The following IRAG1 variants were observed in gnomAD, a reference collection of about 807,000 sequenced individuals.
The protein encoded by IRAG1 is IP3R-associated cGMP kinase substrate.
Under a neutral mutation model 106.2 loss-of-function variants are expected in IRAG1, and 62 were observed. The observed-to-expected ratio is 0.58, with a 90% CI of 0.48 to 0.72. The LOEUF is 0.72. Among genes scored for constraint, IRAG1 ranks in the 30% least tolerant of loss-of-function variants. The pLI, the probability that IRAG1 is intolerant of heterozygous loss-of-function variation, is 0.00. For missense variants in IRAG1, 1,064 were observed against 1,140.7 expected, an observed-to-expected ratio of 0.93 and a Z score of 0.97; for synonymous variants, 462 against 443.9, an observed-to-expected ratio of 1.04 and a Z score of -0.51.
chr11:10,598,374 GTGGTC>G lies in IRAG1; in HGVS notation c.2017+2539_2017+2543del, dbSNP rs1388365034. 2.0e-5 allele frequency among the ~76,000 whole-genome samples: 3 copies of G among 152,324 alleles called. No individual in the cohort carries two copies. The East Asian group carries it at 5.8e-4, about 29-fold the overall frequency. Reference sequence around the variant, plus strand: ...GTCCAGCAGCAATTTCTAAGTGCTTGTGGTCAAAAGATTTTCAAGTTTTCCAGTCA... The same window carrying G: ...GTCCAGCAGCAATTTCTAAGTGCTTGAAAAGATTTTCAAGTTTTCCAGTCA... On this transcript the variant is annotated intron_variant, in intron 15 of 20. Coordinates refer to ENST00000423302, the MANE Select transcript of IRAG1 (RefSeq NM_130385.4).
rs148971137 is a variant in IRAG1 at position 10,687,661 on chromosome 11, C to A, written c.67+5875G>T. ...ACTTCACCAGACACAGATGCCCAATCCTCTTGAGAGGAAGTCCACCACTCT... is the reference window on the plus strand; with the variant it reads ...ACTTCACCAGACACAGATGCCCAATACTCTTGAGAGGAAGTCCACCACTCT... On this transcript the variant is annotated intron_variant, in intron 1 of 20. Transcript: ENST00000423302. 2,748 of 1,278,428 alleles carry A rather than the reference C, an allele frequency of 2.1e-3. 4 individuals are homozygous for A. The highest frequency in any genetic ancestry group is 2.6e-3 in the South Asian group (207 of 78,934). The allele number at this position is 1,278,428 out of a possible 1,614,324, so 79.2% of individuals were successfully genotyped here. A position where few individuals can be genotyped will look rare whatever the true frequency, so the allele number is the denominator to read the frequency against.
At chr11:10,639,737 AT>A (rs1321697360) in intron 2 of IRAG1, among the ~76,000 whole-genome samples, 1 of 151,810 alleles carries the variant, frequency 6.6e-6, no homozygotes, top group Non-Finnish European at 1.5e-5. Flanking sequence ...CCATCCAGTT[AT>A]TTTTTGTGCA....
chr11:10,594,073 G>A, intron 16 of IRAG1, 73 bp downstream of exon 16: 1 of 1,372,432 alleles, frequency 7.3e-7, no homozygotes, highest in Non-Finnish European at 1.0e-6. Flanking sequence ...CAGAATGAAT[G>A]ATTGTTTGGG....
chr11:10,587,526 G>A (rs1432339076), intron 18 of IRAG1, among the ~76,000 whole-genome samples: 2 of 152,280 alleles, frequency 1.3e-5, no homozygotes, highest in East Asian at 1.9e-4. Flanking sequence ...GTTGCTTACT[G>A]TACAAATTTA....
chr11:10,604,459 G>T lies in IRAG1; in HGVS notation c.1689C>A (p.Asn563Lys). The change falls in exon 13 of 21, where the codon AAC (asparagine) becomes AAA (lysine). Residue 563 changes from asparagine to lysine, a missense_variant. Transcript: ENST00000423302. ...SRINQAERER[N>K]LTEENTEKEL... ...CTTTCTCAGTGTTCTCCTCTGTCAGGTTGCGTTCCCTTTCAGCCTGGTTAA... is the reference window on the plus strand; with the variant it reads ...CTTTCTCAGTGTTCTCCTCTGTCAGTTTGCGTTCCCTTTCAGCCTGGTTAA... The T allele has an allele frequency of 6.2e-7, 1 of 1,614,018 alleles. No homozygotes were observed. The highest frequency in any genetic ancestry group is 8.5e-7 in the Non-Finnish European group (1 of 1,179,896).
chr11:10,672,829 G>A (rs900946180), intron 1 of IRAG1, among the ~76,000 whole-genome samples: 2 of 152,114 alleles, frequency 1.3e-5, no homozygotes, highest in Non-Finnish European at 2.9e-5. Flanking sequence ...ATGTACCCAA[G>A]AGAAATGAAA....
rs534614993 is a variant in IRAG1 at position 10,620,931 on chromosome 11, C to T, written c.1447+2847G>A. Among the ~76,000 whole-genome samples, 40 of 152,046 alleles carry T rather than the reference C, an allele frequency of 2.6e-4. 1 individual carries two copies. In the South Asian group the frequency reaches 7.7e-3, roughly 29 times the overall value. On this transcript the variant is annotated intron_variant, in intron 10 of 20. Coordinates refer to ENST00000423302, the MANE Select transcript of IRAG1 (RefSeq NM_130385.4). ...AGGTCAATACAAGAGGAACTATGCA[C>T]CCATTAAATCATAACTGAGGAGAAA... is the stretch of plus-strand genomic sequence containing the variant.
intron 1 of IRAG1, among the ~76,000 whole-genome samples, chr11:10,678,908 G>A (rs984323788): frequency 3.3e-5 from 5 of 152,184 alleles, no homozygotes; most frequent in South Asian, 2.1e-4. Context: ...CTAAATCTGA[G>A]TGTGTCCCAC....
chr11:10,601,004 T>C lies in IRAG1; in HGVS notation c.1931A>G (p.Lys644Arg). ...CGCATGGTCCTTCTCATACGTCCTCTTTAGATTCTCCACATACTGCATCAT... is the reference window on the plus strand; with the variant it reads ...CGCATGGTCCTTCTCATACGTCCTCCTTAGATTCTCCACATACTGCATCAT... ...EVMMQYVENL[K>R]RTYEKDHAEL... The change falls in exon 15 of 21, where the codon AAG (lysine) becomes AGG (arginine). Residue 644 changes from lysine (K) to arginine (R), a missense_variant. Coordinates refer to ENST00000423302, the MANE Select transcript of IRAG1 (RefSeq NM_130385.4). The C allele has an allele frequency of 1.9e-6, 3 of 1,614,100 alleles. No homozygotes were observed. The highest frequency in any genetic ancestry group is 2.5e-6 in the Non-Finnish European group (3 of 1,179,908).
chr11:10,604,497 G>T lies in IRAG1; in HGVS notation c.1651C>A (p.Leu551Met), dbSNP rs1854313934. The T allele has an allele frequency of 6.2e-7, 1 of 1,613,872 alleles. No individual in the cohort carries two copies. The highest frequency in any genetic ancestry group is 1.1e-5 in the South Asian group (1 of 91,088). Residue 551 changes from leucine (L) to methionine (M), a missense_variant, in exon 13 of 21, where the codon CTG becomes ATG. By Grantham distance (15) the Leu-to-Met change is conservative (BLOSUM62 2). Transcript: ENST00000423302. ...SLAFRNDSYT[L>M]ESRINQAERE... ...TCAGCCTGGTTAATTCTAGATTCCAGAGTGTAGCTGTCATTTCTAAAGGCC... is the reference window on the plus strand; with the variant it reads ...TCAGCCTGGTTAATTCTAGATTCCATAGTGTAGCTGTCATTTCTAAAGGCC...
chr11:10,634,127 G>T lies in IRAG1; in HGVS notation c.226-56C>A, dbSNP rs1012157310. The T allele has an allele frequency of 3.7e-6, 4 of 1,073,874 alleles. No individual in the cohort carries two copies. The African/African-American group carries it at 4.7e-5, about 13-fold the overall frequency. The allele number at this position is 1,073,874 out of a possible 1,614,324, so 66.5% of individuals were successfully genotyped here. A position where few individuals can be genotyped will look rare whatever the true frequency, so the allele number is the denominator to read the frequency against. On this transcript the variant is annotated intron_variant, in intron 2 of 20. Coordinates refer to ENST00000423302, the MANE Select transcript of IRAG1 (RefSeq NM_130385.4). ...GGCTTGGGCTGGTGGGACTTCCAGG[G>T]ACAGGAGCCAGAGCATTTATTCTCA...
chr11:10,686,933 T>C (rs1424306344), intron 1 of IRAG1, among the ~76,000 whole-genome samples: 1 of 151,932 alleles, frequency 6.6e-6, no homozygotes, highest in Non-Finnish European at 1.5e-5. Context: ...AAGAAAGGAG[T>C]TAAGAGATCA....
chr11:10,629,769 GT>G, intron 4 of IRAG1, 58 bp from the exon 5 acceptor site: 1 of 1,552,212 alleles, frequency 6.4e-7, no homozygotes, highest in Non-Finnish European at 8.7e-7. Flanking sequence ...CCAGGCTGAG[GT>G]CATGCCATAC....
chr11:10,692,523 C>T (rs540614343), intron 1 of IRAG1, among the ~76,000 whole-genome samples: 11 of 142,778 alleles, frequency 7.7e-5, no homozygotes, highest in South Asian at 4.5e-4. Context: ...CATCGTCCCT[C>T]GGTGGGGGCA....
At chr11:10,615,731 A>G (rs1240200456) in intron 10 of IRAG1, among the ~76,000 whole-genome samples, 1 of 151,886 alleles carries the variant, frequency 6.6e-6, no homozygotes, top group African/African-American at 2.4e-5. Flanking sequence ...GAATTGAACA[A>G]TGAGAACACT....
In IRAG1 at chr11:10,573,670, G is replaced by C. The variant is rs1435408482; in HGVS notation, c.*2662C>G. 6.6e-6 allele frequency: 1 copy of C among 152,190 alleles called. No homozygotes were observed. The highest frequency in any genetic ancestry group is 1.5e-5 in the Non-Finnish European group (1 of 68,060). The allele number at this position is 152,190 out of a possible 1,614,324, so 9.4% of individuals were successfully genotyped here. A position where few individuals can be genotyped will look rare whatever the true frequency, so the allele number is the denominator to read the frequency against. ...AAGTACTCTTGCAGGCTTTTCTGTGGGGCAGCTGGAGGTGCAGGAGCTCTC... is the reference window on the plus strand; with the variant it reads ...AAGTACTCTTGCAGGCTTTTCTGTGCGGCAGCTGGAGGTGCAGGAGCTCTC... On this transcript the variant is annotated 3_prime_UTR_variant, in exon 21 of 21. Transcript: ENST00000423302.
In IRAG1 at chr11:10,586,802, T is replaced by C. The variant is rs1852057466; in HGVS notation, c.2240+4746A>G. ...TTGATGTATGTTTTAGATACCTGCA[T>C]ATGACTGTCATCACAGGAAGAAGGA... On this transcript the variant is annotated intron_variant, in intron 18 of 20. Transcript: ENST00000423302. Among the ~76,000 whole-genome samples, 4 of 152,298 alleles carry C rather than the reference T, an allele frequency of 2.6e-5. No homozygotes were observed. The South Asian group carries it at 8.3e-4, about 32-fold the overall frequency.
At chr11:10,600,796 G>T in intron 15 of IRAG1, 122 bp downstream of exon 15, 1 of 1,313,406 alleles carries the variant, frequency 7.6e-7, no homozygotes, top group Non-Finnish European at 1.0e-6. Flanking sequence ...GGCAGCACTA[G>T]ACAGGAGTGC....
intron 2 of IRAG1, among the ~76,000 whole-genome samples, chr11:10,644,859 C>T (rs1210414800): frequency 6.6e-6 from 1 of 152,200 alleles, no homozygotes; most frequent in African/African-American, 2.4e-5. Context: ...GGCAGAACCT[C>T]TCTGTTGGCC....
Sources: gnomAD v4.1 joint callset for allele counts (sites outside exome capture counted in the v4.1 genomes callset) on GRCh38, gnomAD v4.1.1 for gene constraint, MANE v1.5 for transcripts, NCBI Gene and HGNC (gene_info 2026-07-23, HGNC 2026-07-21) for gene names.